Variants in TRPM6 observed in about 807,000 individuals in gnomAD.
TRPM6 encodes transient receptor potential cation channel subfamily M member 6, also known as channel kinase 2.
Under a neutral mutation model 247.6 loss-of-function variants are expected in TRPM6, and 111 were observed. That is an observed-to-expected ratio of 0.45 (90% CI 0.38 to 0.52). The LOEUF is 0.52. Among genes scored for constraint, TRPM6 ranks in the 20% least tolerant of loss-of-function variants. The pLI is 0.00. For missense variants in TRPM6, 2,126 were observed against 2,421.5 expected, an observed-to-expected ratio of 0.88 and a Z score of 2.56; for synonymous variants, 892 against 853.8, an observed-to-expected ratio of 1.04 and a Z score of -0.78.
At chr9:74,866,254 A>G (rs758345085) in intron 1 of TRPM6, among the ~76,000 whole-genome samples, 2 of 152,242 alleles carry the variant, frequency 1.3e-5, no homozygotes, top group African/African-American at 2.4e-5. Flanking sequence ...TATTTTTTTC[A>G]GTATAGCACA....
At chr9:74,882,718 T>C (rs1831401493) in intron 1 of TRPM6, among the ~76,000 whole-genome samples, 1 of 152,136 alleles carries the variant, frequency 6.6e-6, no homozygotes, top group African/African-American at 2.4e-5. Flanking sequence ...CTCCAAAAAC[T>C]AAAAATGGAA....
At chr9:74,851,557 G>T (rs1289443118) in intron 3 of TRPM6, among the ~76,000 whole-genome samples, 1 of 151,626 alleles carries the variant, frequency 6.6e-6, no homozygotes, top group Admixed American at 6.6e-5. Context: ...AAATCACACT[G>T]ACCAACATGG....
intron 1 of TRPM6, among the ~76,000 whole-genome samples, chr9:74,861,312 T>C (rs1277559636): frequency 6.6e-6 from 1 of 152,210 alleles, no homozygotes; most frequent in East Asian, 1.9e-4. Context: ...ACAAAGTTCC[T>C]GCTCTCAAGG....
chr9:74,882,305 C>A (rs1831388179), intron 1 of TRPM6, among the ~76,000 whole-genome samples: 2 of 152,086 alleles, frequency 1.3e-5, no homozygotes, highest in Admixed American at 1.3e-4. Context: ...AAACAATCAA[C>A]AAAATGAAGA....
intron 28 of TRPM6, among the ~76,000 whole-genome samples, chr9:74,753,885 G>A (rs763516548): frequency 1.4e-4 from 22 of 151,986 alleles, no homozygotes; most frequent in African/African-American, 3.6e-4. Context: ...CCGGGCACTC[G>A]GATCAACCTA....
chr9:74,789,884 C>T (rs1347366108), intron 19 of TRPM6, among the ~76,000 whole-genome samples: 2 of 149,198 alleles, frequency 1.3e-5, no homozygotes, highest in African/African-American at 5.0e-5. Context: ...TCTCTTGAAC[C>T]CAGAAGGCCG....
chr9:74,762,813 C>A lies in TRPM6; in HGVS notation c.3858G>T (p.Leu1286=). 6.2e-7 allele frequency: 1 copy of A among 1,614,186 alleles called. No homozygotes were observed. The highest frequency in any genetic ancestry group is 1.1e-5 in the South Asian group (1 of 91,082). ...CTCTTGGGGGATGCCGGCCTCCAGCCAGGCTCCTCAGCAAAGAAGAGGGCA... is the reference window on the plus strand; with the variant it reads ...CTCTTGGGGGATGCCGGCCTCCAGCAAGGCTCCTCAGCAAAGAAGAGGGCA... ...YSMPSSLLRS[L]AGGRHPPRVQ... The change falls in exon 26 of 39, where the codon CTG becomes CTT. Residue 1286 remains leucine (L), a synonymous_variant. Transcript: ENST00000360774.
intron 16 of TRPM6, among the ~76,000 whole-genome samples, chr9:74,800,967 G>C (rs1828311349): frequency 6.8e-6 from 1 of 148,006 alleles, no homozygotes; most frequent in Non-Finnish European, 1.5e-5. Flanking sequence ...AAGGAAAGCT[G>C]TGGAGTCACT....
intron 36 of TRPM6, among the ~76,000 whole-genome samples, chr9:74,736,422 C>T (rs188776606): frequency 1.5e-3 from 223 of 152,240 alleles, no homozygotes; most frequent in African/African-American, 5.1e-3. Context: ...CAATATAAAA[C>T]TGAACTAAAA....
At chr9:74,763,741 A>G (rs1402574697) in intron 25 of TRPM6, among the ~76,000 whole-genome samples, 1 of 152,266 alleles carries the variant, frequency 6.6e-6, no homozygotes, top group Non-Finnish European at 1.5e-5. Context: ...GCAAATTTTT[A>G]AAGTTGTTTT....
chr9:74,820,197 C>G (rs1234100161), intron 9 of TRPM6, 107 bp downstream of exon 9: 6 of 1,307,188 alleles, frequency 4.6e-6, no homozygotes, highest in Middle Eastern at 2.1e-4. Context: ...TATGTTGTTC[C>G]CCTTCCTGTG....
intron 30 of TRPM6, 141 bp from the exon 31 acceptor site, chr9:74,748,055 C>CCTG: frequency 1.3e-6 from 1 of 778,910 alleles, no homozygotes; most frequent in South Asian, 1.5e-5. Context: ...CAGTCATGTA[C>CCTG]TGCCTAATGA....
At chr9:74,886,221 A>C (rs1341025279) in intron 1 of TRPM6, among the ~76,000 whole-genome samples, 1 of 152,234 alleles carries the variant, frequency 6.6e-6, no homozygotes, top group Non-Finnish European at 1.5e-5. Context: ...AACAAAACTC[A>C]TGCTAACTCC....
intron 23 of TRPM6, among the ~76,000 whole-genome samples, chr9:74,779,572 A>G (rs1827344013): frequency 6.6e-6 from 1 of 152,236 alleles, no homozygotes; most frequent in Admixed American, 6.5e-5. Context: ...AAGGAATCAA[A>G]TACCTAGCAC....
chr9:74,821,957 C>A, intron 7 of TRPM6, 120 bp from the exon 8 acceptor site: 2 of 1,152,308 alleles, frequency 1.7e-6, no homozygotes, highest in Non-Finnish European at 2.5e-6. Context: ...TCACACTGGC[C>A]CCTCTCTCAT....
At chr9:74,864,277 A>G (rs181130641) in intron 1 of TRPM6, among the ~76,000 whole-genome samples, 1 of 152,340 alleles carries the variant, frequency 6.6e-6, no homozygotes, top group Admixed American at 6.5e-5. Flanking sequence ...CCTTGAAGCA[A>G]GAATCCCTTC....
At chr9:74,800,690 G>A (rs1317411094) in intron 16 of TRPM6, among the ~76,000 whole-genome samples, 2 of 150,728 alleles carry the variant, frequency 1.3e-5, no homozygotes, top group African/African-American at 4.9e-5. Flanking sequence ...CTATTTGAAA[G>A]GAATTACAGC....
At chr9:74,740,937 T>C (rs1825845181) in intron 33 of TRPM6, among the ~76,000 whole-genome samples, 1 of 152,166 alleles carries the variant, frequency 6.6e-6, no homozygotes, top group African/African-American at 2.4e-5. Context: ...AGTCAAACAG[T>C]ACCAATGTCA....
rs74925886 is a variant in TRPM6, at chr9:74,847,150, T to A, written c.153-4807A>T. Among the ~76,000 whole-genome samples the A allele has an allele frequency of 2.9e-3, 446 of 152,318 alleles. 11 individuals are homozygous for A. In the East Asian group the frequency reaches 0.067, roughly 23 times the overall value. On this transcript the variant is annotated intron_variant, in intron 3 of 38. Transcript: ENST00000360774. ...TGTCAAGTACTAGCAAGGACACATT[T>A]CCTTTGTAAAAAAATTTTTTTAAAT...
Sources: allele counts gnomAD v4.1 joint callset (sites outside exome capture counted in the v4.1 genomes callset), GRCh38; gene constraint gnomAD v4.1.1; transcripts MANE v1.5; gene names NCBI Gene and HGNC (gene_info 2026-07-23, HGNC 2026-07-21).